RUNX3: variants seen among roughly 807,000 people sequenced by gnomAD.
RUNX3 encodes the protein runt-related transcription factor 3.
In RUNX3, 10 loss-of-function variants were observed where a neutral mutation model predicts 27.7. That is an observed-to-expected ratio of 0.36 (90% CI 0.22 to 0.61). The LOEUF (loss-of-function observed/expected upper bound fraction) is 0.61, where lower values mean the gene tolerates loss of function less well. Ranked by LOEUF, RUNX3 falls within the 20% of genes least tolerant of loss-of-function variation. The probability of loss-of-function intolerance (pLI) is 0.72; values close to 1 mark genes in which losing one functional copy is unlikely to be tolerated. For missense variants in RUNX3, 469 were observed against 629.5 expected (o/e 0.75, Z 2.73); for synonymous variants, 270 against 269.2 (o/e 1.00, Z -0.03).
In RUNX3 at chr1:24,943,890, C is replaced by T. The variant is rs1021546916; in HGVS notation, c.59-14038G>A. 6.6e-6 allele frequency among the ~76,000 whole-genome samples: 1 copy of T among 152,256 alleles called. No individual in the cohort carries two copies. The highest frequency in any genetic ancestry group is 2.4e-5 in the African/African-American group (1 of 41,468). On this transcript the variant is annotated intron_variant, in intron 2 of 6. Transcript: ENST00000338888. The surrounding 1 kb of genome is among the most constrained non-coding windows in gnomAD (Gnocchi z 4.6). The stretch of plus-strand genomic sequence containing the variant: ...TGAATCCCTCGTTTGCAGGGAAAGC[C>T]TCTTCCTTCTCATCTTGCAGTACTC...
At chr1:24,959,314 G>T (rs1326577707) in intron 2 of RUNX3, among the ~76,000 whole-genome samples, 4 of 152,210 alleles carry the variant, frequency 2.6e-5, no homozygotes, top group African/African-American at 9.6e-5. Context: ...GACCCTGTGG[G>T]CAGTGGGGGG....
At chr1:24,948,025 G>C (rs1292555840) in intron 2 of RUNX3, among the ~76,000 whole-genome samples, 3 of 152,238 alleles carry the variant, frequency 2.0e-5, no homozygotes, top group Admixed American at 1.3e-4. Context: ...CATCACTGAG[G>C]CTTCTCCCAG....
chr1:24,960,450 CG>C (rs1642077504), intron 2 of RUNX3, among the ~76,000 whole-genome samples: 1 of 152,180 alleles, frequency 6.6e-6, no homozygotes, highest in South Asian at 2.1e-4. Context: ...GCTGGAATCT[CG>C]ATACTCTACA....
intron 2 of RUNX3, among the ~76,000 whole-genome samples, chr1:24,938,518 G>A (rs574367458): frequency 1.3e-4 from 20 of 152,050 alleles, no homozygotes; most frequent in African/African-American, 1.9e-4. Context: ...CCCTTGTCCC[G>A]CCGCCTTTAG....
rs1255161658 is a variant in RUNX3, at chr1:24,962,381, A to G, written c.58+2133T>C. On this transcript the variant is annotated intron_variant, in intron 2 of 6. Transcript: ENST00000338888. This position sits in a 1 kb window ranked among gnomAD's most constrained non-coding sequence, Gnocchi z 4.5. ...AGGAGGAACCTGAAGGTTCCCTGAG[A>G]CTGCCAAGGGTCGGTGGGTTAGGGA... 2.6e-5 allele frequency: 4 copies of G among 152,218 alleles called. No homozygotes were observed. Among genetic ancestry groups the G allele is most frequent in the African/African-American group, 7.2e-5 (3 of 41,452 alleles). 9.4% of individuals were successfully genotyped at this position (152,218 alleles called of 1,614,324 possible). A position where few individuals can be genotyped will look rare whatever the true frequency, so the allele number is the denominator to read the frequency against.
At chr1:24,948,965 G>A (rs1180665059) in intron 2 of RUNX3, among the ~76,000 whole-genome samples, 5 of 151,916 alleles carry the variant, frequency 3.3e-5, no homozygotes, top group African/African-American at 7.3e-5. Context: ...GCTTGCCCCT[G>A]TGATACAAAT....
chr1:24,932,491 G>C (rs540334816), upstream of RUNX3, among the ~76,000 whole-genome samples: 118 of 152,282 alleles, frequency 7.7e-4, no homozygotes, highest in African/African-American at 2.7e-3. Flanking sequence ...GCGGCCCCGG[G>C]TGCAGGCGCG....
At chr1:24,919,141 C>T in intron 3 of RUNX3, 99 bp downstream of exon 3, 1 of 692,230 alleles carries the variant, frequency 1.4e-6, no homozygotes, top group Non-Finnish European at 2.4e-6. Flanking sequence ...GGACTGCAAC[C>T]CCCCGAGGAG....
chr1:24,949,926 G>A (rs1445619765), intron 2 of RUNX3, among the ~76,000 whole-genome samples: 1 of 152,324 alleles, frequency 6.6e-6, no homozygotes, highest in East Asian at 1.9e-4. Context: ...ATGTCCCAGG[G>A]TCCTCACACT....
chr1:24,929,240 C>G (rs530979358), intron 1 of RUNX3: 1 of 548,170 alleles, frequency 1.8e-6, no homozygotes, highest in South Asian at 1.5e-5. Context: ...TTGCCCCTGT[C>G]CCGGGATCCT....
In RUNX3 at chr1:24,927,648, C is replaced by A; in HGVS notation, c.365G>T (p.Arg122Leu). 6.2e-7 allele frequency: 1 copy of A among 1,614,126 alleles called. No homozygotes were observed. The highest frequency in any genetic ancestry group is 8.5e-7 in the Non-Finnish European group (1 of 1,180,022). ...GNDENYSAEL[R>L]NASAVMKNQV... ...GTTCTTCATGACGGCCGAGGCATTG[C>A]GCAGCTCAGCGGAGTAGTTCTCGTC... The change falls in exon 2 of 5, where the codon CGC becomes CTC. Residue 122 changes from arginine (R) to leucine (L), a missense_variant. This residue lies in a region of RUNX3 where 75 missense variants were observed against 168.5 expected (regional missense o/e 0.45). Coordinates refer to ENST00000308873, the MANE Select transcript of RUNX3 (RefSeq NM_004350.3). The surrounding 1 kb of genome is among the most constrained non-coding windows in gnomAD (Gnocchi z 5.0).
Position 24,927,541 on chromosome 1 carries a change from A to G in RUNX3, c.439+33T>C. 6.2e-7 allele frequency: 1 copy of G among 1,611,444 alleles called. No individual in the cohort carries two copies. Among genetic ancestry groups the G allele is most frequent in the Non-Finnish European group, 8.5e-7 (1 of 1,177,808 alleles). On this transcript the variant is annotated intron_variant, in intron 2 of 4. Transcript: ENST00000308873. This position sits in a 1 kb window ranked among gnomAD's most constrained non-coding sequence, Gnocchi z 5.0. ...TTCCCTGCTGCCCCTGCCATTGCCA[A>G]TGCTGAAATGGCGAGGCCTCCCTTC... is the stretch of plus-strand genomic sequence containing the variant.
intron 2 of RUNX3, among the ~76,000 whole-genome samples, chr1:24,941,353 C>T (rs1641475324): frequency 6.6e-6 from 1 of 152,182 alleles, no homozygotes; most frequent in African/African-American, 2.4e-5. Flanking sequence ...CTGTCAATGC[C>T]AAAGTTGTGC....
intron 3 of RUNX3, among the ~76,000 whole-genome samples, chr1:24,910,600 A>G (rs1640778520): frequency 6.6e-6 from 1 of 152,166 alleles, no homozygotes. Flanking sequence ...GTAGGCCCCC[A>G]AGCTCCCTAC....
Position 24,900,043 on chromosome 1 carries a change from G to GT in RUNX3, c.*2078dup, listed in dbSNP as rs2124227360. The GT allele has an allele frequency of 6.6e-6, 1 of 152,446 alleles. No homozygotes were observed. The highest frequency in any genetic ancestry group is 2.4e-5 in the African/African-American group (1 of 41,570). The allele number at this position is 152,446 out of a possible 1,614,324, so 9.4% of individuals were successfully genotyped here. A position where few individuals can be genotyped will look rare whatever the true frequency, so the allele number is the denominator to read the frequency against. ...TAGTAATCTGGGATGAGACTACAAA[G>GT]TGCTGGGCACTGGGAACCCAAAGGT... On this transcript the variant is annotated 3_prime_UTR_variant, in exon 5 of 5. Transcript: ENST00000308873.
intron 2 of RUNX3, among the ~76,000 whole-genome samples, chr1:24,960,842 C>T (rs1190060544): frequency 1.3e-5 from 2 of 152,166 alleles, no homozygotes; most frequent in Non-Finnish European, 2.9e-5. Context: ...TCCTTAGTTA[C>T]ACAGAGTGTC....
intron 2 of RUNX3, among the ~76,000 whole-genome samples, chr1:24,956,308 A>G (rs1440084681): frequency 2.0e-5 from 3 of 152,244 alleles, no homozygotes; most frequent in African/African-American, 4.8e-5. Flanking sequence ...TTTCCCTTAA[A>G]TTTACAAGTA....
chr1:24,964,362 C>A, intron 2 of RUNX3: 1 of 675,286 alleles, frequency 1.5e-6, no homozygotes, highest in Non-Finnish European at 2.7e-6. Context: ...ACAGAGACCA[C>A]CAACCCCTCT....
intron 4 of RUNX3, among the ~76,000 whole-genome samples, chr1:24,903,316 G>A (rs1014365678): frequency 2.0e-5 from 3 of 152,220 alleles, no homozygotes; most frequent in Non-Finnish European, 4.4e-5. Context: ...TGAGTTCACA[G>A]GAGCTCTGGC....
Sources: allele counts gnomAD v4.1 joint callset (sites outside exome capture counted in the v4.1 genomes callset), GRCh38; gene constraint gnomAD v4.1.1; regional missense constraint gnomAD v4.1.1; non-coding constraint Gnocchi (gnomAD v3.1); transcripts MANE v1.5; gene names NCBI Gene and HGNC (gene_info 2026-07-23, HGNC 2026-07-21).